Variants in TP53INP1 observed in about 807,000 individuals in gnomAD.
TP53INP1 encodes tumor protein p53 inducible nuclear protein 1, also known as tumor protein p53-inducible nuclear protein 1.
Under a neutral mutation model 21.0 loss-of-function variants are expected in TP53INP1, and 12 were observed. The observed-to-expected ratio is 0.57, with a 90% CI of 0.37 to 0.93. The LOEUF (loss-of-function observed/expected upper bound fraction) is 0.93, where lower values mean the gene tolerates loss of function less well. Among genes scored for constraint, TP53INP1 ranks in the 40% least tolerant of loss-of-function variants. TP53INP1 has a pLI of 0.01. For missense variants in TP53INP1, 274 were observed against 294.7 expected, an observed-to-expected ratio of 0.93 and a Z score of 0.51; for synonymous variants, 91 against 94.8, an observed-to-expected ratio of 0.96 and a Z score of 0.23.
At chr8:94,938,653 C>A (rs1035419521) in intron 3 of TP53INP1, among the ~76,000 whole-genome samples, 1 of 152,202 alleles carries the variant, frequency 6.6e-6, no homozygotes, top group African/African-American at 2.4e-5. Flanking sequence ...CCATAAGACC[C>A]CAATAGTACT....
In TP53INP1 at chr8:94,942,150, C is replaced by T. The variant is rs952638449; in HGVS notation, c.-150-1059G>A. 3.9e-5 allele frequency among the ~76,000 whole-genome samples: 6 copies of T among 152,034 alleles called. No homozygotes were observed. In the East Asian group the frequency reaches 7.7e-4, roughly 20 times the overall value. ...CTCCCGGGTTCACGCCATTCTCCTG[C>T]CTCAGCCTCCCAAGTAGCTGGGACT... On this transcript the variant is annotated intron_variant, in intron 1 of 3. Transcript: ENST00000342697.
chr8:94,933,406 G>A (rs758983606), intron 3 of TP53INP1, among the ~76,000 whole-genome samples: 3 of 152,152 alleles, frequency 2.0e-5, no homozygotes, highest in Non-Finnish European at 4.4e-5. Context: ...GAAGAAGGAA[G>A]AAAGAAGAAG....
At chr8:94,936,108 G>C (rs1025740434) in intron 3 of TP53INP1, among the ~76,000 whole-genome samples, 3 of 152,162 alleles carry the variant, frequency 2.0e-5, no homozygotes, top group Non-Finnish European at 4.4e-5. Context: ...CTTTGGACTA[G>C]AGAATTTCCA....
intron 3 of TP53INP1, among the ~76,000 whole-genome samples, chr8:94,937,239 G>C (rs989685584): frequency 6.6e-6 from 1 of 152,074 alleles, no homozygotes; most frequent in Non-Finnish European, 1.5e-5. Context: ...TCAGGAGTTC[G>C]AGACTAGCCT....
rs765646440 is a variant in TP53INP1 at position 94,939,845 on chromosome 8, A to G, written c.473+15T>C. ...CAGTGGACTGCCTACAGAGAGTTAA[A>G]TACTTGTAACGTACCTGGGACTACT... On this transcript the variant is annotated intron_variant, in intron 3 of 3. Coordinates refer to ENST00000342697, the MANE Select transcript of TP53INP1 (RefSeq NM_033285.4). 4.1e-5 allele frequency: 66 copies of G among 1,602,888 alleles called. No individual in the cohort carries two copies. The South Asian group carries it at 6.8e-4, about 17-fold the overall frequency.
intron 1 of TP53INP1, among the ~76,000 whole-genome samples, chr8:94,947,184 T>C (rs1822092406): frequency 6.6e-6 from 1 of 151,958 alleles, no homozygotes; most frequent in Non-Finnish European, 1.5e-5. Flanking sequence ...TCCCTATACA[T>C]GCTCTTTTAG....
rs1820121635 is a variant in TP53INP1, at chr8:94,928,782, G to C, written c.*1697C>G. The C allele has an allele frequency of 6.6e-6, 1 of 152,158 alleles. No individual in the cohort carries two copies. The highest frequency in any genetic ancestry group is 2.1e-4 in the South Asian group (1 of 4,824). 9.4% of individuals were successfully genotyped at this position (152,158 alleles called of 1,614,324 possible). Reference sequence around the variant, plus strand: ...CAGCTCTTCGCTGAAAGTCCCCCAGGGTTCCCTGCATCAAGCCACTACAGG... The same window carrying C: ...CAGCTCTTCGCTGAAAGTCCCCCAGCGTTCCCTGCATCAAGCCACTACAGG... On this transcript the variant is annotated 3_prime_UTR_variant, in exon 4 of 4. Coordinates refer to ENST00000342697, the MANE Select transcript of TP53INP1 (RefSeq NM_033285.4).
rs955547852 is a variant in TP53INP1, at chr8:94,929,115, C to A, written c.*1364G>T. 3 of 152,598 alleles carry A rather than the reference C, an allele frequency of 2.0e-5. No individual in the cohort carries two copies. Among genetic ancestry groups the A allele is most frequent in the African/African-American group, 7.2e-5 (3 of 41,420 alleles). 9.5% of individuals were successfully genotyped at this position (152,598 alleles called of 1,614,324 possible). ...GCCTACGTGTGAATCGAACCCTGCACCCTGGCCTCATTAGCACCAACACTG... is the reference window on the plus strand; with the variant it reads ...GCCTACGTGTGAATCGAACCCTGCAACCTGGCCTCATTAGCACCAACACTG... On this transcript the variant is annotated 3_prime_UTR_variant, in exon 4 of 4. Coordinates refer to ENST00000342697, the MANE Select transcript of TP53INP1 (RefSeq NM_033285.4).
At chr8:94,931,235 A>G (rs186016622) in intron 3 of TP53INP1, among the ~76,000 whole-genome samples, 3 of 152,334 alleles carry the variant, frequency 2.0e-5, no homozygotes, top group Non-Finnish European at 4.4e-5. Flanking sequence ...CATGCTTTAA[A>G]TCTTTATTTA....
At chr8:94,937,628 C>CCACAT (rs1563728112) in intron 3 of TP53INP1, among the ~76,000 whole-genome samples, 1 of 151,984 alleles carries the variant, frequency 6.6e-6, no homozygotes, top group East Asian at 1.9e-4. Flanking sequence ...TTTTTCTTTC[C>CCACAT]CACATCACCT....
In TP53INP1 at chr8:94,926,719, T is replaced by G. The variant is rs1285272311; in HGVS notation, c.*3760A>C. On this transcript the variant is annotated 3_prime_UTR_variant, in exon 4 of 4. Coordinates refer to ENST00000342697, the MANE Select transcript of TP53INP1 (RefSeq NM_033285.4). ...AACTCTCCTCCCATGCAAAGGATAC[T>G]GTTGCACATAAAAGATATCCTCATC... 1.3e-5 allele frequency: 2 copies of G among 152,266 alleles called. No individual in the cohort carries two copies. 9.4% of individuals were successfully genotyped at this position (152,266 alleles called of 1,614,324 possible). A position where few individuals can be genotyped will look rare whatever the true frequency, so the allele number is the denominator to read the frequency against.
chr8:94,942,744 A>G (rs1454657304), intron 1 of TP53INP1, among the ~76,000 whole-genome samples: 1 of 152,190 alleles, frequency 6.6e-6, no homozygotes, highest in African/African-American at 2.4e-5. Context: ...GGACTCCTGC[A>G]ATGACTTTAC....
chr8:94,948,521 GGCCGCGGACA>G (rs1407310663), intron 1 of TP53INP1, among the ~76,000 whole-genome samples: 1 of 152,250 alleles, frequency 6.6e-6, no homozygotes, highest in Non-Finnish European at 1.5e-5. Context: ...GCAAGGGACA[GGCCGCGGACA>G]GGCGGGGGCC....
intron 1 of TP53INP1, among the ~76,000 whole-genome samples, chr8:94,946,525 A>AC (rs950768323): frequency 2.0e-5 from 3 of 151,436 alleles, no homozygotes; most frequent in African/African-American, 7.3e-5. Context: ...ACAAAGCAAG[A>AC]CCCCATCTCT....
rs1301926271 is a variant in TP53INP1, at chr8:94,927,656, AAAAAT to A, written c.*2818_*2822del. The A allele has an allele frequency of 6.6e-6, 1 of 152,202 alleles. No homozygotes were observed. The highest frequency in any genetic ancestry group is 1.5e-5 in the Non-Finnish European group (1 of 68,022). 9.4% of individuals were successfully genotyped at this position (152,202 alleles called of 1,614,324 possible). ...GTGCAGTACACAATTAGTTGAGAAA[AAAAAT>A]AAACATAAGATATATATTATAAAAT... On this transcript the variant is annotated 3_prime_UTR_variant, in exon 4 of 4. Coordinates refer to ENST00000342697, the MANE Select transcript of TP53INP1 (RefSeq NM_033285.4).
chr8:94,930,819 T>C, intron 3 of TP53INP1, 91 bp from the exon 4 acceptor site: 1 of 1,385,846 alleles, frequency 7.2e-7, no homozygotes, highest in African/African-American at 1.4e-5. Context: ...TTTGCCACGC[T>C]AATTTGTTTA....
At chr8:94,946,285 G>C (rs1172489997) in intron 1 of TP53INP1, among the ~76,000 whole-genome samples, 1 of 152,122 alleles carries the variant, frequency 6.6e-6, no homozygotes, top group Non-Finnish European at 1.5e-5. Flanking sequence ...TACTCACGGG[G>C]AAGAGCATTC....
At chr8:94,940,607 T>A (rs945231396) in intron 2 of TP53INP1, among the ~76,000 whole-genome samples, 2 of 152,176 alleles carry the variant, frequency 1.3e-5, no homozygotes, top group African/African-American at 2.4e-5. Context: ...GTGCCCTTGA[T>A]CTAATCAATC....
At chr8:94,937,735 CTA>C (rs1328126947) in intron 3 of TP53INP1, among the ~76,000 whole-genome samples, 9 of 152,234 alleles carry the variant, frequency 5.9e-5, no homozygotes, top group Admixed American at 2.0e-4. Context: ...GAAGCTGTAA[CTA>C]TGTTTTTAAA....
Sources: gnomAD v4.1 joint callset for allele counts (sites outside exome capture counted in the v4.1 genomes callset) on GRCh38, gnomAD v4.1.1 for gene constraint, MANE v1.5 for transcripts, NCBI Gene and HGNC (gene_info 2026-07-23, HGNC 2026-07-21) for gene names.